TJP2: variants seen among roughly 807,000 people sequenced by gnomAD.
The protein encoded by TJP2 is Friedreich ataxia region gene X104 (tight junction protein ZO-2).
A neutral mutation model predicts 133.1 loss-of-function variants in TJP2; 91 were observed. That is an observed-to-expected ratio of 0.68 (90% CI 0.58 to 0.81). The LOEUF (loss-of-function observed/expected upper bound fraction) is 0.81, where lower values mean the gene tolerates loss of function less well. Ranked by LOEUF, TJP2 falls within the 40% of genes least tolerant of loss-of-function variation. The probability of loss-of-function intolerance (pLI) is 0.00; values close to 1 mark genes in which losing one functional copy is unlikely to be tolerated. For synonymous variants in TJP2, 592 were observed against 583.4 expected, an observed-to-expected ratio of 1.01 and a Z score of -0.21; for missense variants, 1,541 against 1,565.6, an observed-to-expected ratio of 0.98 and a Z score of 0.26.
intron 5 of TJP2, among the ~76,000 whole-genome samples, chr9:69,221,962 C>T (rs1044932021): frequency 2.6e-5 from 4 of 151,144 alleles, no homozygotes; most frequent in African/African-American, 9.8e-5. Context: ...ACCTCCGCCT[C>T]CCAGGTTCAA....
chr9:69,227,486 C>T (rs1829441028), intron 7 of TJP2, among the ~76,000 whole-genome samples: 1 of 152,206 alleles, frequency 6.6e-6, no homozygotes, highest in East Asian at 1.9e-4. Flanking sequence ...ATCTATGATC[C>T]AATAATAGAA....
intron 1 of TJP2, among the ~76,000 whole-genome samples, chr9:69,204,268 C>T (rs1827224712): frequency 6.6e-6 from 1 of 152,170 alleles, no homozygotes; most frequent in African/African-American, 2.4e-5. Flanking sequence ...ACATCTCAGC[C>T]TCAAATCAAA....
intron 2 of TJP2, among the ~76,000 whole-genome samples, chr9:69,215,117 G>C (rs997584623): frequency 2.0e-5 from 3 of 152,008 alleles, no homozygotes; most frequent in East Asian, 1.9e-4. Context: ...CTAAACATTG[G>C]GTACACACAG....
intron 2 of TJP2, among the ~76,000 whole-genome samples, chr9:69,166,364 A>G (rs1377286259): frequency 6.6e-6 from 1 of 152,100 alleles, no homozygotes; most frequent in Non-Finnish European, 1.5e-5. Context: ...TGGCCTCCCA[A>G]AGTGCTGGGA....
Position 69,220,490 on chromosome 9 carries a change from C to T in TJP2, c.343-397C>T, listed in dbSNP as rs369227115. 2.0e-5 allele frequency among the ~76,000 whole-genome samples: 3 copies of T among 152,192 alleles called. No homozygotes were observed. In the East Asian group the frequency reaches 5.8e-4, roughly 29 times the overall value. On this transcript the variant is annotated intron_variant, in intron 4 of 22. Coordinates refer to ENST00000377245, the MANE Select transcript of TJP2 (RefSeq NM_004817.4). The stretch of plus-strand genomic sequence containing the variant: ...ATTAGGTCTTATTTCTTCTATCAGA[C>T]CATATATTTGTACCCATCAATCAAC...
chr9:69,251,253 G>T lies in TJP2; in HGVS notation c.3210G>T (p.Glu1070Asp). The T allele has an allele frequency of 6.2e-7, 1 of 1,614,146 alleles. No individual in the cohort carries two copies. Among genetic ancestry groups the T allele is most frequent in the Non-Finnish European group, 8.5e-7 (1 of 1,180,020 alleles). Residue 1070 changes from glutamate to aspartate, a missense_variant, in exon 21 of 23, where the codon GAG becomes GAT. Physicochemically the swap from Glu to Asp is conservative, Grantham distance 45. Coordinates refer to ENST00000377245, the MANE Select transcript of TJP2 (RefSeq NM_004817.4). ...EGEEVGESSE[E>D]QDNAPKSVLG... ...AGGAGGTGGGAGAGAGCAGTGAGGA[G>T]CAAGATAATGCTCCCAAATCAGTCC...
At chr9:69,246,924 C>T (rs922736887) in intron 18 of TJP2, 134 bp downstream of exon 18, 40 of 806,352 alleles carry the variant, frequency 5.0e-5, no homozygotes, top group East Asian at 3.2e-4. Context: ...TTTGAAATTT[C>T]GTAAATTCTC....
Position 69,248,075 on chromosome 9 carries a change from T to C in TJP2, c.2731T>C (p.Tyr911His). Residue 911 changes from tyrosine to histidine, a missense_variant, in exon 19 of 23, where the codon TAT becomes CAT. Tyr to His is a moderately conservative substitution (Grantham distance 83). Transcript: ENST00000377245. ...CTACTTAACCGCCATGGGCGCGGAC[T>C]ATCTGAGTTGCGACAGCCGCCTCAT... Reference protein sequence around the residue: ...MSYLTAMGADYLSCDSRLISD... With the variant: ...MSYLTAMGADHLSCDSRLISD... 1 of 1,614,150 alleles carries C rather than the reference T, an allele frequency of 6.2e-7. No individual in the cohort carries two copies. The highest frequency in any genetic ancestry group is 8.5e-7 in the Non-Finnish European group (1 of 1,180,036).
chr9:69,163,016 C>A, intron 2 of TJP2, among the ~76,000 whole-genome samples: 1 of 140,246 alleles, frequency 7.1e-6, no homozygotes, highest in Non-Finnish European at 1.5e-5. Flanking sequence ...TAAAAAGTAT[C>A]TTTATTTTAT....
upstream of TJP2, chr9:69,174,096 G>T: frequency 8.7e-7 from 1 of 1,153,086 alleles, no homozygotes; most frequent in Non-Finnish European, 1.1e-6. Flanking sequence ...CGGCGCCGGC[G>T]AGCCCTTCCC....
chr9:69,207,096 G>T (rs1387821993), intron 1 of TJP2, among the ~76,000 whole-genome samples: 7 of 151,962 alleles, frequency 4.6e-5, no homozygotes, highest in Admixed American at 4.6e-4. Context: ...TCATTTCCTT[G>T]CTTTTTCTTT....
At chr9:69,244,163 G>A (rs185752100) in intron 17 of TJP2, among the ~76,000 whole-genome samples, 12 of 132,772 alleles carry the variant, frequency 9.0e-5, no homozygotes, top group East Asian at 4.4e-4. Flanking sequence ...CAGCCTGGGC[G>A]ACAATGAGAC....
intron 1 of TJP2, among the ~76,000 whole-genome samples, chr9:69,128,374 A>G (rs76309274): frequency 0.15 from 19,476 of 131,418 alleles, 8,164 homozygotes; most frequent in East Asian, 0.41. Flanking sequence ...AGGTATTTGG[A>G]GTTCCAATTT....
In TJP2 at chr9:69,125,740, C is replaced by T. The variant is rs535645781; in HGVS notation, c.-131+4015C>T. ...CAAGATAACACAATTTTATATACAA[C>T]ATGAAATAAAATTAACAATAGTTTC... On this transcript the variant is annotated intron_variant, in intron 1 of 5. Transcript: ENST00000423935. Among the ~76,000 whole-genome samples the T allele has an allele frequency of 2.6e-3, 200 of 77,138 alleles. 72 individuals are homozygous for T. Among genetic ancestry groups the T allele is most frequent in the African/African-American group, 7.6e-3 (192 of 25,332 alleles). The allele number at this position is 77,138 out of a possible 152,430, so 50.6% of individuals were successfully genotyped here. A position where few individuals can be genotyped will look rare whatever the true frequency, so the allele number is the denominator to read the frequency against.
At position 69,234,390 on chromosome 9, in the gene TJP2, CTTTCTTTCT is replaced by C. The variant is rs772613191; in HGVS notation, c.1672-45_1672-37del. The stretch of plus-strand genomic sequence containing the variant: ...CTGTTTTTTCTTTCTTTCTTTCTTT[CTTTCTTTCT>C]TTTTTTTTTTTTTCTTTTTCTGTTT... On this transcript the variant is annotated intron_variant, in intron 11 of 22. Coordinates refer to ENST00000377245, the MANE Select transcript of TJP2 (RefSeq NM_004817.4). 631 of 1,328,704 alleles carry C rather than the reference CTTTCTTTCT, an allele frequency of 4.7e-4. 1 individual carries two copies. The highest frequency in any genetic ancestry group is 1.6e-3 in the African/African-American group (101 of 64,304). 82.3% of individuals were successfully genotyped at this position (1,328,704 alleles called of 1,614,324 possible). A position where few individuals can be genotyped will look rare whatever the true frequency, so the allele number is the denominator to read the frequency against.
At chr9:69,244,337 C>G (rs964330432) in intron 17 of TJP2, among the ~76,000 whole-genome samples, 9 of 152,152 alleles carry the variant, frequency 5.9e-5, no homozygotes, top group African/African-American at 1.7e-4. Flanking sequence ...CCATTTCTCC[C>G]TTTCCCTAAA....
intron 1 of TJP2, among the ~76,000 whole-genome samples, chr9:69,209,916 C>T (rs1193040600): frequency 6.6e-6 from 1 of 152,068 alleles, no homozygotes; most frequent in Non-Finnish European, 1.5e-5. Flanking sequence ...CCATGAGCAC[C>T]TGAGTTTTTA....
intron 2 of TJP2, among the ~76,000 whole-genome samples, chr9:69,157,632 A>G (rs558994517): frequency 1.2e-4 from 19 of 152,070 alleles, no homozygotes; most frequent in African/African-American, 4.6e-4. Context: ...TGCCTAGCTA[A>G]TTTTTGTATT....
At chr9:69,153,439 C>G (rs1329799666) in intron 2 of TJP2, among the ~76,000 whole-genome samples, 1 of 152,096 alleles carries the variant, frequency 6.6e-6, no homozygotes, top group Non-Finnish European at 1.5e-5. Flanking sequence ...AAAATATTAG[C>G]CAGGCGTGGT....
Sources: gnomAD v4.1 joint callset for allele counts (sites outside exome capture counted in the v4.1 genomes callset) on GRCh38, gnomAD v4.1.1 for gene constraint, MANE v1.5 for transcripts, NCBI Gene and HGNC (gene_info 2026-07-23, HGNC 2026-07-21) for gene names.